DOCK9: variants seen among roughly 807,000 people sequenced by gnomAD.
DOCK9 encodes dedicator of cytokinesis 9, also known as dedicator of cytokinesis protein 9.
Under a neutral mutation model 263.3 loss-of-function variants are expected in DOCK9, and 89 were observed. The ratio of observed to expected loss-of-function variants is 0.34; its 90% CI spans 0.28 to 0.40. The LOEUF is 0.40. DOCK9 is among the 10% of genes least tolerant of loss of function. DOCK9 has a pLI of 1.00. For synonymous variants in DOCK9, 976 were observed against 973.1 expected (o/e 1.00, Z -0.06); for missense variants, 2,140 against 2,603.4 (o/e 0.82, Z 3.87).
At chr13:98,871,331 G>A (rs1838770487) in intron 27 of DOCK9, among the ~76,000 whole-genome samples, 4 of 152,268 alleles carry the variant, frequency 2.6e-5, no homozygotes, top group South Asian at 2.1e-4. Flanking sequence ...ATAGTAAAAT[G>A]TTTGTATTAA....
intron 39 of DOCK9, among the ~76,000 whole-genome samples, chr13:98,833,429 T>G (rs1396565212): frequency 6.6e-6 from 1 of 152,170 alleles, no homozygotes; most frequent in Non-Finnish European, 1.5e-5. Flanking sequence ...CTACAAAAAT[T>G]CCCAAGCTTC....
At chr13:98,887,143 A>ATATATATATATAT (rs1470080750) in intron 18 of DOCK9, among the ~76,000 whole-genome samples, 1 of 95,260 alleles carries the variant, frequency 1.0e-5, no homozygotes, top group African/African-American at 4.3e-5. Context: ...ATATATATAT[A>ATATATATATATAT]TTTTTTTTTT....
At chr13:98,867,307 A>T (rs2142064360) in intron 30 of DOCK9, 118 bp downstream of exon 30, 1 of 674,516 alleles carries the variant, frequency 1.5e-6, no homozygotes, top group Non-Finnish European at 2.5e-6. Flanking sequence ...GAAAAAAATT[A>T]ATTCATCAAT....
At chr13:98,874,283 C>G (rs1316013594) in intron 27 of DOCK9, among the ~76,000 whole-genome samples, 1 of 152,186 alleles carries the variant, frequency 6.6e-6, no homozygotes, top group Non-Finnish European at 1.5e-5. Flanking sequence ...TCATAGAATG[C>G]TTTTGAGATC....
At chr13:99,029,215 C>G (rs1184299050) in intron 1 of DOCK9, among the ~76,000 whole-genome samples, 2 of 152,224 alleles carry the variant, frequency 1.3e-5, no homozygotes, top group Non-Finnish European at 2.9e-5. Context: ...TCAGAAACAG[C>G]TGCACCATCA....
chr13:98,811,424 G>T (rs2104677), intron 45 of DOCK9, among the ~76,000 whole-genome samples: 53,364 of 149,846 alleles, frequency 0.36, 10,870 homozygotes, highest in East Asian at 0.67. Context: ...TGTCTCTAGG[G>T]TTTTTTTTTT....
intron 47 of DOCK9, 105 bp downstream of exon 47, chr13:98,809,247 C>A: frequency 2.4e-6 from 3 of 1,248,566 alleles, no homozygotes; most frequent in South Asian, 1.4e-5. Context: ...TTACAGAAAA[C>A]AGAGAATTTA....
At chr13:98,849,999 G>A in intron 36 of DOCK9, 48 bp downstream of exon 36, 1 of 1,348,050 alleles carries the variant, frequency 7.4e-7, no homozygotes, top group African/African-American at 1.5e-5. Context: ...GCCTCTTAAT[G>A]ATCCAGGAAA....
At chr13:98,954,944 A>T (rs2057862644) in intron 2 of DOCK9, among the ~76,000 whole-genome samples, 1 of 152,152 alleles carries the variant, frequency 6.6e-6, no homozygotes, top group African/African-American at 2.4e-5. Flanking sequence ...ACCATTAAAA[A>T]TTATCAACTC....
chr13:98,954,798 A>G (rs1380946012), intron 2 of DOCK9, among the ~76,000 whole-genome samples: 2 of 151,852 alleles, frequency 1.3e-5, no homozygotes, highest in Non-Finnish European at 2.9e-5. Flanking sequence ...ACAAATCTCA[A>G]AAGACAGAAA....
chr13:99,049,135 A>G (rs925859562), intron 1 of DOCK9, among the ~76,000 whole-genome samples: 3 of 152,212 alleles, frequency 2.0e-5, no homozygotes, highest in Admixed American at 6.5e-5. Context: ...CCCTTACTCA[A>G]TTCTCTCATT....
At chr13:99,071,306 C>CTTTTTTTTTTTTTTTTTTTTTTTTT (rs71114578) in intron 1 of DOCK9, among the ~76,000 whole-genome samples, 4 of 49,328 alleles carry the variant, frequency 8.1e-5, no homozygotes, top group East Asian at 6.7e-4. Context: ...CCATGCCTGG[C>CTTTTTTTTTTTTTTTTTTTTTTTTT]TTTTTTTTTT....
At chr13:99,063,931 C>G (rs1196584500) in intron 1 of DOCK9, among the ~76,000 whole-genome samples, 1 of 152,198 alleles carries the variant, frequency 6.6e-6, no homozygotes, top group Non-Finnish European at 1.5e-5. Context: ...AGCACTCCCT[C>G]CCTTCCAACA....
At chr13:99,013,408 CA>C (rs1194328967) in intron 1 of DOCK9, among the ~76,000 whole-genome samples, 1 of 152,232 alleles carries the variant, frequency 6.6e-6, no homozygotes, top group Non-Finnish European at 1.5e-5. Context: ...AGCCACCACA[CA>C]CCTGGCCATG....
intron 1 of DOCK9, among the ~76,000 whole-genome samples, chr13:99,082,519 C>CAAA (rs201597103): frequency 7.4e-6 from 1 of 134,762 alleles, no homozygotes; most frequent in East Asian, 2.9e-4. Flanking sequence ...GACTCCATCT[C>CAAA]AAAAAAATAA....
At chr13:98,958,522 G>T (rs1267922736) in intron 1 of DOCK9, among the ~76,000 whole-genome samples, 1 of 152,248 alleles carries the variant, frequency 6.6e-6, no homozygotes, top group African/African-American at 2.4e-5. Flanking sequence ...CAGCCTTACA[G>T]TTTCTGTCAC....
At chr13:98,828,620 T>C (rs2092640740) in intron 43 of DOCK9, among the ~76,000 whole-genome samples, 1 of 152,242 alleles carries the variant, frequency 6.6e-6, no homozygotes, top group Admixed American at 6.5e-5. Flanking sequence ...TGTAATAATG[T>C]TGATCATAGC....
intron 49 of DOCK9, 62 bp from the exon 50 acceptor site, chr13:98,800,540 G>A (rs1566513757): frequency 1.6e-5 from 24 of 1,548,162 alleles, no homozygotes; most frequent in Non-Finnish European, 8.8e-7. Context: ...TTATTGAGCT[G>A]ATTATTATTA....
chr13:98,945,773 A>G (rs1448556747), intron 2 of DOCK9, among the ~76,000 whole-genome samples: 1 of 152,190 alleles, frequency 6.6e-6, no homozygotes, highest in Non-Finnish European at 1.5e-5. Context: ...CACTTGTTCT[A>G]CATGCTTAAA....
Sources: gnomAD v4.1 joint callset for allele counts (sites outside exome capture counted in the v4.1 genomes callset) on GRCh38, gnomAD v4.1.1 for gene constraint, MANE v1.5 for transcripts, NCBI Gene and HGNC (gene_info 2026-07-23, HGNC 2026-07-21) for gene names.